COL5A2: variants seen among roughly 807,000 people sequenced by gnomAD.
COL5A2 encodes collagen alpha-2(V) chain.
COL5A2 carries 23 observed loss-of-function variants against 208.2 expected under a neutral mutation model. The observed-to-expected ratio is 0.11, with a 90% CI of 0.08 to 0.16. COL5A2 has a LOEUF of 0.16. Ranked by LOEUF, COL5A2 falls within the 10% of genes least tolerant of loss-of-function variation. COL5A2 has a pLI of 1.00. For synonymous variants in COL5A2, 625 were observed against 628.5 expected, an observed-to-expected ratio of 0.99 and a Z score of 0.08; for missense variants, 1,590 against 1,956.4, an observed-to-expected ratio of 0.81 and a Z score of 3.53.
chr2:189,062,448 T>C (rs967906760), intron 29 of COL5A2, among the ~76,000 whole-genome samples: 6 of 152,016 alleles, frequency 3.9e-5, no homozygotes, highest in Non-Finnish European at 7.4e-5. Context: ...CCTCCCTAAG[T>C]GCTGGGATTA....
chr2:189,410,755 A>G, the COL5A2 span, among the ~76,000 whole-genome samples: 1 of 152,176 alleles, frequency 6.6e-6, no homozygotes, highest in Admixed American at 6.5e-5. Context: ...TTATGTGAAT[A>G]TATATGCAAT....
chr2:189,242,081 C>G, the COL5A2 span, among the ~76,000 whole-genome samples: 1 of 152,138 alleles, frequency 6.6e-6, no homozygotes, highest in Non-Finnish European at 1.5e-5. Flanking sequence ...CTTATAAAGA[C>G]ATTTAAAAAT....
At chr2:189,407,071 A>G in the COL5A2 span, among the ~76,000 whole-genome samples, 3 of 152,104 alleles carry the variant, frequency 2.0e-5, no homozygotes, top group Non-Finnish European at 4.4e-5. Context: ...TCCAAACAGG[A>G]CATGCATATG....
At chr2:189,431,626 C>T in the COL5A2 span, among the ~76,000 whole-genome samples, 5 of 151,932 alleles carry the variant, frequency 3.3e-5, no homozygotes, top group Admixed American at 6.6e-5. Flanking sequence ...TGAAATAAAG[C>T]GAGAAGACAA....
the COL5A2 span, among the ~76,000 whole-genome samples, chr2:189,403,207 G>A: frequency 6.6e-6 from 1 of 152,076 alleles, no homozygotes; most frequent in Non-Finnish European, 1.5e-5. Flanking sequence ...TTTGGCTCTT[G>A]GCTTGCCTGT....
upstream of COL5A2, among the ~76,000 whole-genome samples, chr2:189,181,347 C>T (rs1412992788): frequency 6.6e-6 from 1 of 152,124 alleles, no homozygotes; most frequent in Admixed American, 6.6e-5. Context: ...TCTGTCACCA[C>T]CACACTGTTC....
chr2:189,136,626 A>G (rs1049999707), intron 1 of COL5A2, among the ~76,000 whole-genome samples: 1 of 151,378 alleles, frequency 6.6e-6, no homozygotes, highest in Non-Finnish European at 1.5e-5. Context: ...GCTAACAATA[A>G]TACAATGATA....
chr2:189,189,574 C>T (rs987568503), intron 1 of COL5A2, among the ~76,000 whole-genome samples: 9 of 152,052 alleles, frequency 5.9e-5, no homozygotes, highest in Non-Finnish European at 8.8e-5. Flanking sequence ...ACCACTTGAG[C>T]CCTGGAGTTT....
At chr2:189,190,729 T>TC (rs1329055628) in intron 1 of COL5A2, among the ~76,000 whole-genome samples, 3 of 152,244 alleles carry the variant, frequency 2.0e-5, no homozygotes, top group African/African-American at 7.2e-5. Context: ...TGAGCATCAG[T>TC]CATCACACCC....
the COL5A2 span, among the ~76,000 whole-genome samples, chr2:189,385,071 T>C: frequency 6.6e-6 from 1 of 152,192 alleles, no homozygotes; most frequent in Non-Finnish European, 1.5e-5. Flanking sequence ...TATTCATATA[T>C]TGTTTTCTCC....
At chr2:189,329,845 T>C in the COL5A2 span, among the ~76,000 whole-genome samples, 1 of 151,494 alleles carries the variant, frequency 6.6e-6, no homozygotes, top group Non-Finnish European at 1.5e-5. Context: ...TAGGTTGTAG[T>C]CAGAAGAGAT....
the COL5A2 span, among the ~76,000 whole-genome samples, chr2:189,266,535 T>C: frequency 2.0e-5 from 3 of 152,156 alleles, no homozygotes; most frequent in South Asian, 6.2e-4. Context: ...ATGTATTTTA[T>C]GATCCTAAAT....
chr2:189,236,500 G>C, the COL5A2 span, among the ~76,000 whole-genome samples: 4 of 151,822 alleles, frequency 2.6e-5, no homozygotes, highest in Admixed American at 1.3e-4. Context: ...ATTGATGAGA[G>C]TTCTAGTTGC....
intron 8 of COL5A2, among the ~76,000 whole-genome samples, chr2:189,088,360 T>C (rs1686709649): frequency 6.6e-6 from 1 of 152,198 alleles, no homozygotes; most frequent in Non-Finnish European, 1.5e-5. Context: ...AAGAGCACCA[T>C]AAAATAGTTC....
chr2:189,239,665 T>C, the COL5A2 span, among the ~76,000 whole-genome samples: 3 of 150,672 alleles, frequency 2.0e-5, no homozygotes, highest in African/African-American at 7.3e-5. Flanking sequence ...ATATACCTAA[T>C]GCTAAATGAC....
the COL5A2 span, among the ~76,000 whole-genome samples, chr2:189,407,320 T>C: frequency 6.6e-6 from 1 of 152,182 alleles, no homozygotes; most frequent in East Asian, 1.9e-4. Context: ...CCTGGAAAGC[T>C]TAAGAATATG....
the COL5A2 span, among the ~76,000 whole-genome samples, chr2:189,272,438 A>C: frequency 8.5e-3 from 1,297 of 152,194 alleles, 18 homozygotes; most frequent in Non-Finnish European, 9.6e-3. Context: ...ACATGTTCTT[A>C]CTCATAGGTA....
At chr2:189,097,869 G>A (rs968555913) in intron 5 of COL5A2, among the ~76,000 whole-genome samples, 5 of 152,108 alleles carry the variant, frequency 3.3e-5, no homozygotes, top group African/African-American at 1.2e-4. Context: ...GTACACTCAA[G>A]CATCTTTTCT....
chr2:189,284,381 A>G, the COL5A2 span, among the ~76,000 whole-genome samples: 2 of 152,148 alleles, frequency 1.3e-5, no homozygotes, highest in Admixed American at 1.3e-4. Context: ...TCCTCAGGCT[A>G]TATAGGAAGC....
Sources: allele counts gnomAD v4.1 joint callset (sites outside exome capture counted in the v4.1 genomes callset), GRCh38; gene constraint gnomAD v4.1.1; transcripts MANE v1.5; gene names NCBI Gene and HGNC (gene_info 2026-07-23, HGNC 2026-07-21).